PHACTR1: variants seen among roughly 807,000 people sequenced by gnomAD.
PHACTR1 encodes RPEL repeat containing 1.
A neutral mutation model predicts 69.2 loss-of-function variants in PHACTR1; 16 were observed. The observed-to-expected ratio is 0.23, with a 90% CI of 0.16 to 0.35. PHACTR1 has a LOEUF of 0.35. PHACTR1 is among the 10% of genes least tolerant of loss of function. The probability of loss-of-function intolerance (pLI) is 1.00; values close to 1 mark genes in which losing one functional copy is unlikely to be tolerated. For synonymous variants in PHACTR1, 312 were observed against 284.5 expected, an observed-to-expected ratio of 1.10 and a Z score of -0.97; for missense variants, 510 against 734.7, an observed-to-expected ratio of 0.69 and a Z score of 3.54.
chr6:12,830,600 T>G (rs1001518153), intron 4 of PHACTR1, among the ~76,000 whole-genome samples: 2 of 151,794 alleles, frequency 1.3e-5, no homozygotes, highest in Admixed American at 1.3e-4. Context: ...AAAAAAAAAT[T>G]TTTTTTGAGA....
intron 5 of PHACTR1, among the ~76,000 whole-genome samples, chr6:13,128,407 G>A (rs889682964): frequency 2.0e-5 from 3 of 151,024 alleles, no homozygotes; most frequent in Non-Finnish European, 4.4e-5. Flanking sequence ...TTTTTTAAAT[G>A]TAGGATATGG....
chr6:12,978,519 TC>T (rs1382523485), intron 4 of PHACTR1, among the ~76,000 whole-genome samples: 1 of 152,120 alleles, frequency 6.6e-6, no homozygotes, highest in Admixed American at 6.5e-5. Context: ...AAGACTTTGC[TC>T]CCAAGACACC....
intron 4 of PHACTR1, among the ~76,000 whole-genome samples, chr6:12,763,550 CAAAG>C (rs1768275487): frequency 6.6e-6 from 1 of 152,152 alleles, no homozygotes; most frequent in South Asian, 2.1e-4. Flanking sequence ...TTCTGCTTAT[CAAAG>C]ACAGTGAAGT....
intron 4 of PHACTR1, among the ~76,000 whole-genome samples, chr6:12,862,308 A>T (rs1781022019): frequency 6.6e-6 from 1 of 152,176 alleles, no homozygotes; most frequent in African/African-American, 2.4e-5. Context: ...TCCTGTGGAG[A>T]TCTGGAGCCA....
chr6:12,860,936 A>G (rs1268688890), intron 4 of PHACTR1, among the ~76,000 whole-genome samples: 1 of 152,252 alleles, frequency 6.6e-6, no homozygotes, highest in Non-Finnish European at 1.5e-5. Flanking sequence ...TGGGCAAGTA[A>G]GGCAACACTA....
At chr6:12,805,399 G>A (rs1379910617) in intron 4 of PHACTR1, among the ~76,000 whole-genome samples, 1 of 152,090 alleles carries the variant, frequency 6.6e-6, no homozygotes, top group Non-Finnish European at 1.5e-5. Flanking sequence ...TTTAAATTCT[G>A]TCTCACTTCT....
chr6:12,841,450 A>T (rs187222543), intron 4 of PHACTR1, among the ~76,000 whole-genome samples: 1 of 152,308 alleles, frequency 6.6e-6, no homozygotes, highest in African/African-American at 2.4e-5. Flanking sequence ...GGGCTTCACA[A>T]TATCTCAGCT....
At chr6:13,123,901 C>A (rs1278969563) in intron 5 of PHACTR1, among the ~76,000 whole-genome samples, 2 of 152,072 alleles carry the variant, frequency 1.3e-5, no homozygotes, top group Non-Finnish European at 2.9e-5. Flanking sequence ...TCCTGAGGTG[C>A]AGTATTTCAA....
At position 13,123,078 on chromosome 6, in the gene PHACTR1, T is replaced by G. The variant is rs118004464; in HGVS notation, c.416-37126T>G. ...TTTCCCAGAGTGTGGCTCTCAGAAC[T>G]TGGGAGGAGAAAAGGGCCCCCCAAA... On this transcript the variant is annotated intron_variant, in intron 5 of 14. Coordinates refer to ENST00000332995, the MANE Select transcript of PHACTR1 (RefSeq NM_030948.6). Among the ~76,000 whole-genome samples, 172 of 152,170 alleles carry G rather than the reference T, an allele frequency of 1.1e-3. 1 individual carries two copies. The East Asian group carries it at 0.031, about 27-fold the overall frequency.
chr6:12,749,980 T>C (rs764558192), intron 4 of PHACTR1, among the ~76,000 whole-genome samples, 190 bp downstream of exon 4: 1 of 152,038 alleles, frequency 6.6e-6, no homozygotes, highest in Non-Finnish European at 1.5e-5. Context: ...GGGCGGCGCG[T>C]GCAGCCCCAC....
intron 4 of PHACTR1, among the ~76,000 whole-genome samples, chr6:12,874,043 T>A (rs149010667): frequency 2.0e-5 from 3 of 152,340 alleles, no homozygotes; most frequent in East Asian, 3.9e-4. Context: ...CAACTCTCTC[T>A]CTCTCTAAAG....
intron 5 of PHACTR1, among the ~76,000 whole-genome samples, chr6:13,062,469 C>T (rs1807820621): frequency 6.6e-6 from 1 of 152,178 alleles, no homozygotes; most frequent in South Asian, 2.1e-4. Flanking sequence ...TTAACAACCG[C>T]TATGTCCCAG....
At chr6:13,159,873 G>A (rs1045881619) in intron 5 of PHACTR1, among the ~76,000 whole-genome samples, 9 of 152,158 alleles carry the variant, frequency 5.9e-5, no homozygotes, top group Non-Finnish European at 7.4e-5. Context: ...CTGGGAGGCA[G>A]GGGTTGCAGT....
chr6:12,828,619 A>T (rs1233813535), intron 4 of PHACTR1, among the ~76,000 whole-genome samples: 1 of 152,140 alleles, frequency 6.6e-6, no homozygotes, highest in Non-Finnish European at 1.5e-5. Flanking sequence ...GCTGTCTTTG[A>T]AGGAGTAGGA....
intron 8 of PHACTR1, among the ~76,000 whole-genome samples, chr6:13,223,913 C>T (rs1255021971): frequency 6.6e-6 from 1 of 152,004 alleles, no homozygotes; most frequent in East Asian, 1.9e-4. Context: ...TTTGTCATTG[C>T]CATTGATAAA....
At chr6:13,017,143 G>A (rs951307973) in intron 4 of PHACTR1, among the ~76,000 whole-genome samples, 6 of 130,620 alleles carry the variant, frequency 4.6e-5, no homozygotes, top group Non-Finnish European at 7.7e-5. Flanking sequence ...CCAAGATTGC[G>A]CCATTGCACT....
chr6:13,185,056 A>G, intron 7 of PHACTR1: 3 of 1,281,114 alleles, frequency 2.3e-6, no homozygotes, highest in Non-Finnish European at 3.1e-6. Flanking sequence ...CCTTCAAGGG[A>G]TTTTCTTTTT....
chr6:13,119,963 G>A (rs913221828), intron 5 of PHACTR1, among the ~76,000 whole-genome samples: 5 of 152,016 alleles, frequency 3.3e-5, no homozygotes, highest in Admixed American at 1.3e-4. Flanking sequence ...TGAGGGAGTC[G>A]CTTCCTGGAG....
chr6:13,177,398 C>T (rs1221655362), intron 6 of PHACTR1, among the ~76,000 whole-genome samples: 2 of 144,614 alleles, frequency 1.4e-5, no homozygotes, highest in Admixed American at 7.1e-5. Context: ...TATATACACA[C>T]ACACACAGAC....
Sources: gnomAD v4.1 joint callset for allele counts (sites outside exome capture counted in the v4.1 genomes callset) on GRCh38, gnomAD v4.1.1 for gene constraint, MANE v1.5 for transcripts, NCBI Gene and HGNC (gene_info 2026-07-23, HGNC 2026-07-21) for gene names.